STAB2: variants seen among roughly 807,000 people sequenced by gnomAD.
The protein encoded by STAB2 is stabilin 2, also known as stabilin-2.
In STAB2, 288 loss-of-function variants were observed where a neutral mutation model predicts 338.1. The observed-to-expected ratio is 0.85, with a 90% CI of 0.77 to 0.94. The LOEUF is 0.94. STAB2 is among the 40% of genes least tolerant of loss of function. The pLI, the probability that STAB2 is intolerant of heterozygous loss-of-function variation, is 0.00. For synonymous variants in STAB2, 1,202 were observed against 1,193.3 expected, an observed-to-expected ratio of 1.01 and a Z score of -0.15; for missense variants, 3,141 against 3,210.1, an observed-to-expected ratio of 0.98 and a Z score of 0.52.
At chr12:103,602,266 G>A (rs1359752750) in intron 3 of STAB2, among the ~76,000 whole-genome samples, 5 of 152,090 alleles carry the variant, frequency 3.3e-5, no homozygotes, top group South Asian at 4.1e-4. Context: ...TAATGAATCC[G>A]AGATGCATCC....
intron 3 of STAB2, among the ~76,000 whole-genome samples, chr12:103,609,465 C>A (rs1957086259): frequency 6.6e-6 from 1 of 152,148 alleles, no homozygotes; most frequent in African/African-American, 2.4e-5. Flanking sequence ...AATGGGAGTT[C>A]ACTCATGATT....
chr12:103,730,180 T>C lies in STAB2; in HGVS notation c.5147T>C (p.Ile1716Thr). 1.2e-6 allele frequency: 2 copies of C among 1,613,600 alleles called. No individual in the cohort carries two copies. Among genetic ancestry groups the C allele is most frequent in the African/African-American group, 1.3e-5 (1 of 75,028 alleles). ...ISSDIISTNG[I>T]VHIIDKLLSP... Reference sequence around the variant, plus strand: ...AGTGATATCATCAGTACTAATGGGATTGTTCATATCATAGACAAATTGCTA... The same window carrying C: ...AGTGATATCATCAGTACTAATGGGACTGTTCATATCATAGACAAATTGCTA... The change falls in exon 49 of 69, where the codon ATT (isoleucine) becomes ACT (threonine). Residue 1716 changes from isoleucine (I) to threonine (T), a missense_variant. Ile to Thr is a moderately conservative substitution (Grantham distance 89). Transcript: ENST00000388887.
intron 10 of STAB2, among the ~76,000 whole-genome samples, chr12:103,650,251 T>C (rs1383050861): frequency 6.6e-6 from 1 of 152,012 alleles, no homozygotes; most frequent in African/African-American, 2.4e-5. Flanking sequence ...AGGGTATCTT[T>C]GAAGCTGAGG....
chr12:103,645,627 T>C (rs374257922), intron 9 of STAB2, among the ~76,000 whole-genome samples: 1 of 152,382 alleles, frequency 6.6e-6, no homozygotes, highest in East Asian at 1.9e-4. Context: ...CTCCTTTCCA[T>C]CATTAAATTA....
intron 16 of STAB2, 146 bp downstream of exon 16, chr12:103,660,530 A>G: frequency 8.0e-7 from 1 of 1,251,202 alleles, no homozygotes; most frequent in South Asian, 1.2e-5. Context: ...GTCCATTATC[A>G]GAGCGATCTT....
intron 10 of STAB2, among the ~76,000 whole-genome samples, 178 bp downstream of exon 10, chr12:103,649,001 A>G (rs1593180935): frequency 6.6e-6 from 1 of 152,194 alleles, no homozygotes; most frequent in East Asian, 1.9e-4. Context: ...AGACAAGCAA[A>G]GAGATAGTGC....
intron 18 of STAB2, 49 bp downstream of exon 18, chr12:103,663,047 C>T (rs1302559331): frequency 8.1e-6 from 13 of 1,600,180 alleles, no homozygotes; most frequent in Non-Finnish European, 1.0e-5. Context: ...CCCCTCAGAG[C>T]AGAGAGCATC....
chr12:103,699,085 G>T lies in STAB2; in HGVS notation c.3583-11G>T. The T allele has an allele frequency of 6.2e-7, 1 of 1,604,180 alleles. No homozygotes were observed. Among genetic ancestry groups the T allele is most frequent in the Non-Finnish European group, 8.5e-7 (1 of 1,172,958 alleles). The stretch of plus-strand genomic sequence containing the variant: ...TCTCTTGACTGACTTCCAATTCTGT[G>T]TGTGATCCAGGAGGAGGACGTCCTC... On this transcript the variant is annotated splice_polypyrimidine_tract_variant and intron_variant, in intron 33 of 68. Transcript: ENST00000388887.
At chr12:103,714,365 C>CA (rs2139015225) in intron 42 of STAB2, among the ~76,000 whole-genome samples, 1 of 152,246 alleles carries the variant, frequency 6.6e-6, no homozygotes, top group South Asian at 2.1e-4. Flanking sequence ...ACAAATAGCA[C>CA]AAAAAAGACC....
At chr12:103,587,999 A>C (rs1956738791) in intron 1 of STAB2, among the ~76,000 whole-genome samples, 1 of 152,072 alleles carries the variant, frequency 6.6e-6, no homozygotes, top group African/African-American at 2.4e-5. Flanking sequence ...TCAGGCCTTC[A>C]CCCTTTCATC....
intron 3 of STAB2, among the ~76,000 whole-genome samples, chr12:103,603,928 C>A (rs1175059580): frequency 2.0e-5 from 3 of 152,098 alleles, no homozygotes; most frequent in African/African-American, 7.2e-5. Flanking sequence ...ACAAATTTTG[C>A]AGAATTCTTA....
chr12:103,633,365 T>TG (rs1218060116), intron 6 of STAB2, among the ~76,000 whole-genome samples: 1 of 152,194 alleles, frequency 6.6e-6, no homozygotes, highest in Non-Finnish European at 1.5e-5. Context: ...TCATGTAAAG[T>TG]CCAAAATCTA....
intron 3 of STAB2, among the ~76,000 whole-genome samples, chr12:103,603,081 TTTTG>T (rs1465693490): frequency 6.6e-6 from 1 of 152,180 alleles, no homozygotes; most frequent in Non-Finnish European, 1.5e-5. Context: ...TTTTGTTTTG[TTTTG>T]TTTGAGATGG....
At chr12:103,721,106 C>T (rs1365868229) in intron 44 of STAB2, among the ~76,000 whole-genome samples, 3 of 146,340 alleles carry the variant, frequency 2.1e-5, no homozygotes, top group Non-Finnish European at 4.4e-5. Context: ...ACCTAATGAC[C>T]TTCTAAAGGC....
intron 10 of STAB2, 41 bp from the exon 11 acceptor site, chr12:103,650,455 C>T (rs2138726896): frequency 6.3e-7 from 1 of 1,578,786 alleles, no homozygotes; most frequent in South Asian, 1.1e-5. Context: ...ACCACTGACT[C>T]ATTTGGCGTT....
rs776144904 is a variant in STAB2 at position 103,670,777 on chromosome 12, C to T, written c.2341C>T (p.Pro781Ser). 3.1e-6 allele frequency: 5 copies of T among 1,613,988 alleles called. No homozygotes were observed. Among genetic ancestry groups the T allele is most frequent in the South Asian group, 1.1e-5 (1 of 91,068 alleles). Residue 781 changes from proline (P) to serine (S), a missense_variant, in exon 22 of 69, where the codon CCC becomes TCC. By Grantham distance (74) the Pro-to-Ser change is moderately conservative. Coordinates refer to ENST00000388887, the MANE Select transcript of STAB2 (RefSeq NM_017564.10). Reference sequence around the variant, plus strand: ...CTCCCAGTGTCAGTTCTGCTCTGATCCCAATAAATACGGACCTCGGTGTAA... The same window carrying T: ...CTCCCAGTGTCAGTTCTGCTCTGATTCCAATAAATACGGACCTCGGTGTAA... ...QGSQCQFCSD[P>S]NKYGPRCNKK...
intron 44 of STAB2, among the ~76,000 whole-genome samples, chr12:103,719,749 T>C (rs191875594): frequency 1.3e-5 from 2 of 151,630 alleles, no homozygotes; most frequent in African/African-American, 2.4e-5. Context: ...CACAGTTGCA[T>C]CCAGTCCTTA....
At chr12:103,728,374 T>C (rs2139067632) in intron 47 of STAB2, among the ~76,000 whole-genome samples, 2 of 152,296 alleles carry the variant, frequency 1.3e-5, no homozygotes, top group East Asian at 3.9e-4. Context: ...CCTCCCAGAG[T>C]GCTGGGATTA....
chr12:103,692,539 A>G (rs1878024515), intron 30 of STAB2, among the ~76,000 whole-genome samples: 2 of 152,172 alleles, frequency 1.3e-5, no homozygotes, highest in South Asian at 4.1e-4. Context: ...CACATAGGGG[A>G]AAGTATTATT....
Sources: allele counts gnomAD v4.1 joint callset (sites outside exome capture counted in the v4.1 genomes callset), GRCh38; gene constraint gnomAD v4.1.1; transcripts MANE v1.5; gene names NCBI Gene and HGNC (gene_info 2026-07-23, HGNC 2026-07-21).